The following TRIO variants were observed in gnomAD, a reference collection of about 807,000 sequenced individuals.
TRIO encodes the protein triple functional domain protein.
Under a neutral mutation model 351.9 loss-of-function variants are expected in TRIO, and 58 were observed. The observed-to-expected ratio is 0.16, with a 90% CI of 0.13 to 0.21. TRIO has a LOEUF of 0.21. Among genes scored for constraint, TRIO ranks in the 10% least tolerant of loss-of-function variants. The pLI is 1.00. For synonymous variants in TRIO, 1,758 were observed against 1,595.7 expected, an observed-to-expected ratio of 1.10 and a Z score of -2.42; for missense variants, 3,201 against 4,027.8, an observed-to-expected ratio of 0.79 and a Z score of 5.56.
rs1182180609 is a variant in TRIO, at chr5:14,487,580, AGCGGCCACAGTG to A, written c.6959_6970del (p.His2320_Gly2323del). The A allele has an allele frequency of 1.8e-6, 2 of 1,138,304 alleles. No individual in the cohort carries two copies. The highest frequency in any genetic ancestry group is 2.2e-6 in the Non-Finnish European group (2 of 920,312). The allele number at this position is 1,138,304 out of a possible 1,614,324, so 70.5% of individuals were successfully genotyped here. ...CGGCGGCGGGGCCCCCAGTGGCGGC[AGCGGCCACAGTG>A]GCGGCCCCAGCAGCTGCGGCGGCGC... On this transcript the variant is annotated inframe_deletion, in exon 48 of 57. Transcript: ENST00000344204.
At chr5:14,217,296 T>C (rs1390172059) in intron 1 of TRIO, among the ~76,000 whole-genome samples, 1 of 152,194 alleles carries the variant, frequency 6.6e-6, no homozygotes, top group Non-Finnish European at 1.5e-5. Flanking sequence ...AACTCTGTCC[T>C]GTTAAACCAT....
intron 1 of TRIO, among the ~76,000 whole-genome samples, chr5:14,162,105 G>A (rs557549896): frequency 6.6e-5 from 10 of 152,224 alleles, no homozygotes; most frequent in African/African-American, 2.4e-4. Context: ...ATGGAATCAC[G>A]GCCAATTTGG....
intron 34 of TRIO, among the ~76,000 whole-genome samples, chr5:14,423,860 A>G (rs1006434292): frequency 6.6e-6 from 1 of 150,768 alleles, no homozygotes; most frequent in African/African-American, 2.4e-5. Flanking sequence ...GTCCCGCACT[A>G]CTGCTGCCCA....
chr5:14,374,770 T>C (rs1323668959), intron 19 of TRIO, among the ~76,000 whole-genome samples: 7 of 152,160 alleles, frequency 4.6e-5, no homozygotes, highest in Admixed American at 4.6e-4. Flanking sequence ...ACCTAAGGCA[T>C]AGTTAATAAA....
intron 1 of TRIO, among the ~76,000 whole-genome samples, chr5:14,268,655 T>A (rs906629083): frequency 6.6e-6 from 1 of 152,252 alleles, no homozygotes; most frequent in African/African-American, 2.4e-5. Flanking sequence ...AGCTGTCGCT[T>A]ACTCCTTCCT....
Position 14,405,968 on chromosome 5 carries a change from G to T in TRIO, c.4837G>T (p.Ala1613Ser), listed in dbSNP as rs16903474. 2 of 1,613,354 alleles carry T rather than the reference G, an allele frequency of 1.2e-6. No homozygotes were observed. The highest frequency in any genetic ancestry group is 1.3e-5 in the African/African-American group (1 of 74,880). ...EPIHIPKTAP[A>S]TRQKGRRDGE... Reference sequence around the variant, plus strand: ...CATTCACATCCCTAAGACCGCTCCCGCCACAAGACAGAAGGGAAGGAGGTG... The same window carrying T: ...CATTCACATCCCTAAGACCGCTCCCTCCACAAGACAGAAGGGAAGGAGGTG... Residue 1613 changes from alanine to serine, a missense_variant, in exon 32 of 57, where the codon GCC becomes TCC. This residue lies in a region of TRIO where 136 missense variants were observed against 229.5 expected (regional missense o/e 0.59). Coordinates refer to ENST00000344204, the MANE Select transcript of TRIO (RefSeq NM_007118.4).
intron 3 of TRIO, among the ~76,000 whole-genome samples, chr5:14,281,578 C>T (rs356027): frequency 0.77 from 116,808 of 151,856 alleles, 45,214 homozygotes; most frequent in African/African-American, 0.83. Context: ...TTCTGGAAAA[C>T]ATAATACCAT....
rs1736451201 is a variant in TRIO at position 14,286,446 on chromosome 5, C to G, written c.348-425C>G. On this transcript the variant is annotated intron_variant, in intron 3 of 56. Transcript: ENST00000344204. This position sits in a 1 kb window ranked among gnomAD's most constrained non-coding sequence, Gnocchi z 4.4. ...GTAACTGCCGTCCACAGGTCTCAGA[C>G]TGTCCCCAGTCTGGGTTTTGTTGCA... 6.6e-6 allele frequency among the ~76,000 whole-genome samples: 1 copy of G among 152,130 alleles called. No individual in the cohort carries two copies. The highest frequency in any genetic ancestry group is 1.5e-5 in the Non-Finnish European group (1 of 68,044).
chr5:14,257,997 G>T (rs577044867), intron 1 of TRIO, among the ~76,000 whole-genome samples: 3 of 152,322 alleles, frequency 2.0e-5, no homozygotes, highest in African/African-American at 7.2e-5. Context: ...TTTCACAGAC[G>T]AGGAAGCGAA....
chr5:14,507,054 T>A, intron 55 of TRIO, 68 bp from the exon 56 acceptor site: 2 of 1,502,072 alleles, frequency 1.3e-6, no homozygotes, highest in Non-Finnish European at 8.8e-7. Context: ...CATGTTTACT[T>A]CTTACTAGCC....
intron 55 of TRIO, among the ~76,000 whole-genome samples, chr5:14,505,634 C>G (rs1223705242): frequency 6.6e-6 from 1 of 152,122 alleles, no homozygotes; most frequent in African/African-American, 2.4e-5. Flanking sequence ...CTTAAAGAAA[C>G]TATAAATGCC....
At chr5:14,285,591 G>T (rs1736371974) in intron 3 of TRIO, among the ~76,000 whole-genome samples, 1 of 152,100 alleles carries the variant, frequency 6.6e-6, no homozygotes, top group Non-Finnish European at 1.5e-5. Context: ...GTAAGAGCAT[G>T]AAATTGGTTT....
chr5:14,219,067 A>G (rs58805125), intron 1 of TRIO, among the ~76,000 whole-genome samples: 7,750 of 152,246 alleles, frequency 0.051, 654 homozygotes, highest in African/African-American at 0.18. Flanking sequence ...TTATAGAACT[A>G]TGACAAGGCT....
At chr5:14,226,901 C>CAGCTCTCCTCCCTGGCTTT (rs1554037067) in intron 1 of TRIO, among the ~76,000 whole-genome samples, 47 of 151,556 alleles carry the variant, frequency 3.1e-4, no homozygotes, top group Non-Finnish European at 6.0e-4. Context: ...TCCCTGGTTT[C>CAGCTCTCCTCCCTGGCTTT]TGCAGCTCTC....
At chr5:14,442,278 G>C (rs764947140) in intron 34 of TRIO, among the ~76,000 whole-genome samples, 1 of 152,212 alleles carries the variant, frequency 6.6e-6, no homozygotes, top group Non-Finnish European at 1.5e-5. Flanking sequence ...GCGGCAAGAC[G>C]CAGAGAGCCA....
chr5:14,477,918 C>T (rs1205979426), intron 41 of TRIO, among the ~76,000 whole-genome samples: 1 of 152,152 alleles, frequency 6.6e-6, no homozygotes, highest in African/African-American at 2.4e-5. Flanking sequence ...TACATATTTC[C>T]AAAATTTTAA....
At position 14,496,969 on chromosome 5, in the gene TRIO, C is replaced by T. The variant is rs1036308877; in HGVS notation, c.7971C>T (p.Asn2657=). Residue 2657 remains asparagine, a synonymous_variant, in exon 50 of 57, where the codon AAC becomes AAT. Coordinates refer to ENST00000344204, the MANE Select transcript of TRIO (RefSeq NM_007118.4). The part of the protein sequence containing the change: ...KDGKREGKLE[N]GYRKSREGLS... ...GCAAAAGGGAAGGCAAGTTAGAGAA[C>T]GGTTATCGGAAGTCACGGGAAGGAC... 1.8e-5 allele frequency: 29 copies of T among 1,614,156 alleles called. No individual in the cohort carries two copies. The highest frequency in any genetic ancestry group is 6.7e-5 in the Admixed American group (4 of 60,010).
chr5:14,287,270 T>A (rs182540077), intron 4 of TRIO, among the ~76,000 whole-genome samples: 76 of 152,338 alleles, frequency 5.0e-4, no homozygotes, highest in African/African-American at 1.7e-3. Flanking sequence ...CACATGGGCT[T>A]AGGTTTCAGT....
chr5:14,499,063 A>G (rs1466246196), intron 53 of TRIO: 4 of 163,164 alleles, frequency 2.5e-5, no homozygotes, highest in Non-Finnish European at 5.4e-5. Flanking sequence ...TAGAATGTGC[A>G]TGGGAAAAGC....
Sources: allele counts gnomAD v4.1 joint callset (sites outside exome capture counted in the v4.1 genomes callset), GRCh38; gene constraint gnomAD v4.1.1; regional missense constraint gnomAD v4.1.1; non-coding constraint Gnocchi (gnomAD v3.1); transcripts MANE v1.5; gene names NCBI Gene and HGNC (gene_info 2026-07-23, HGNC 2026-07-21).